PID1: variants seen among roughly 807,000 people sequenced by gnomAD.
PID1 encodes PTB-containing, cubilin and LRP1-interacting protein.
PID1 carries 10 observed loss-of-function variants against 19.1 expected under a neutral mutation model. The observed-to-expected ratio is 0.52, with a 90% CI of 0.32 to 0.89. The LOEUF (loss-of-function observed/expected upper bound fraction) is 0.89. PID1 is among the 40% of genes least tolerant of loss of function. The pLI, the probability that PID1 is intolerant of heterozygous loss-of-function variation, is 0.03. For missense variants in PID1, 248 were observed against 285.3 expected (o/e 0.87, Z 0.94); for synonymous variants, 130 against 116.0 (o/e 1.12, Z -0.78).
intron 1 of PID1, chr2:229,232,046 G>A (rs926531047): frequency 5.2e-6 from 8 of 1,542,816 alleles, no homozygotes; most frequent in African/African-American, 2.8e-5. Flanking sequence ...TAAGGGGCAG[G>A]CTGAACATGG....
At chr2:229,114,668 C>A (rs1248716659) in intron 2 of PID1, among the ~76,000 whole-genome samples, 1 of 152,176 alleles carries the variant, frequency 6.6e-6, no homozygotes, top group African/African-American at 2.4e-5. Flanking sequence ...TTATTATATC[C>A]TCTGTGCATC....
Position 229,271,158 on chromosome 2 carries a change from C to G in PID1, c.-115G>C. On this transcript the variant is annotated 5_prime_UTR_variant, in exon 1 of 3. Transcript: ENST00000392055. ...GGGTCGGTGTCCGCGGGATGTGCGT[C>G]CTGGCGCTGGCCACCGCCGCCGGGT... is the stretch of plus-strand genomic sequence containing the variant. The G allele has an allele frequency of 1.6e-6, 2 of 1,237,692 alleles. No individual in the cohort carries two copies. The highest frequency in any genetic ancestry group is 2.2e-6 in the Non-Finnish European group (2 of 890,980). 76.7% of individuals were successfully genotyped at this position (1,237,692 alleles called of 1,614,324 possible).
intron 1 of PID1, among the ~76,000 whole-genome samples, chr2:229,194,896 C>T (rs890945695): frequency 3.5e-5 from 5 of 141,024 alleles, no homozygotes. Context: ...CCGAAAAAAG[C>T]TCAAAATAAC....
At chr2:229,120,894 G>C (rs1242117396) in intron 2 of PID1, among the ~76,000 whole-genome samples, 21 of 151,978 alleles carry the variant, frequency 1.4e-4, no homozygotes, top group Admixed American at 1.3e-3. Flanking sequence ...AGAGGCAGTT[G>C]TTATAAAGCA....
intron 2 of PID1, among the ~76,000 whole-genome samples, chr2:229,142,212 G>T (rs1690030664): frequency 6.6e-6 from 1 of 152,064 alleles, no homozygotes; most frequent in Admixed American, 6.6e-5. Context: ...AAAGTTCGAA[G>T]TACTTTATAA....
chr2:229,088,166 G>C (rs1694805581), intron 2 of PID1, among the ~76,000 whole-genome samples: 1 of 152,204 alleles, frequency 6.6e-6, no homozygotes, highest in African/African-American at 2.4e-5. Context: ...ATTCTGAAGA[G>C]TATAAAGATT....
intron 1 of PID1, among the ~76,000 whole-genome samples, chr2:229,255,420 A>G (rs551999750): frequency 4.0e-4 from 61 of 152,264 alleles, no homozygotes; most frequent in Admixed American, 4.6e-4. Flanking sequence ...AGTGCTTTTG[A>G]GTGTTTTTTG....
At chr2:229,222,092 T>C (rs968190025) in intron 1 of PID1, among the ~76,000 whole-genome samples, 1 of 152,228 alleles carries the variant, frequency 6.6e-6, no homozygotes, top group South Asian at 2.1e-4. Context: ...ACTTATAACA[T>C]TTTCAATGGC....
intron 1 of PID1, among the ~76,000 whole-genome samples, chr2:229,258,579 T>G (rs1323169426): frequency 6.6e-6 from 1 of 152,156 alleles, no homozygotes; most frequent in Admixed American, 6.5e-5. Flanking sequence ...ATAGATATAG[T>G]TGACAGATAA....
chr2:229,032,694 C>T (rs984014418), intron 2 of PID1, among the ~76,000 whole-genome samples: 1 of 152,184 alleles, frequency 6.6e-6, no homozygotes, highest in African/African-American at 2.4e-5. Flanking sequence ...GTTGCAGAAA[C>T]AGGCATTGGG....
rs564185581 is a variant in PID1 at position 229,127,031 on chromosome 2, G to A, written c.177+28787C>T. Among the ~76,000 whole-genome samples the A allele has an allele frequency of 1.4e-4, 21 of 152,310 alleles. No individual in the cohort carries two copies. In the South Asian group the frequency reaches 2.9e-3, roughly 21 times the overall value. On this transcript the variant is annotated intron_variant, in intron 2 of 2. Transcript: ENST00000392055. ...AAGCCCTGTCTATTTGGATGCCAGC[G>A]GGGAGAGAGAATAAAAGGCCATCAG...
At chr2:229,049,265 T>A (rs1299543226) in intron 2 of PID1, among the ~76,000 whole-genome samples, 2 of 152,198 alleles carry the variant, frequency 1.3e-5, no homozygotes, top group Non-Finnish European at 2.9e-5. Context: ...CTAGTAAGAT[T>A]ATATTTTTTT....
intron 1 of PID1, among the ~76,000 whole-genome samples, chr2:229,160,700 A>G (rs190805199): frequency 4.6e-5 from 7 of 152,288 alleles, no homozygotes; most frequent in Non-Finnish European, 2.9e-5. Flanking sequence ...CTAAGAAAAT[A>G]TTTGAGGTGA....
chr2:229,104,704 T>C (rs757389039), intron 2 of PID1, among the ~76,000 whole-genome samples: 3 of 152,238 alleles, frequency 2.0e-5, no homozygotes, highest in Admixed American at 6.5e-5. Flanking sequence ...ACATGGAACC[T>C]GGGAGAAGTG....
intron 2 of PID1, among the ~76,000 whole-genome samples, chr2:229,031,549 C>T (rs887922500): frequency 6.6e-6 from 1 of 150,626 alleles, no homozygotes; most frequent in Non-Finnish European, 1.5e-5. Flanking sequence ...CAGAGTGTGA[C>T]CTTGTCTCAA....
At chr2:229,234,440 A>C (rs1692281185) in intron 1 of PID1, among the ~76,000 whole-genome samples, 1 of 152,206 alleles carries the variant, frequency 6.6e-6, no homozygotes, top group Non-Finnish European at 1.5e-5. Flanking sequence ...CCACAAGCCT[A>C]GGAATGTGAG....
chr2:229,249,308 A>G (rs1690085738), intron 1 of PID1, among the ~76,000 whole-genome samples: 1 of 152,216 alleles, frequency 6.6e-6, no homozygotes, highest in Middle Eastern at 3.2e-3. Flanking sequence ...GTGGCTCTAA[A>G]GATAAATGTA....
At chr2:229,110,390 C>T (rs540969755) in intron 2 of PID1, among the ~76,000 whole-genome samples, 6 of 152,206 alleles carry the variant, frequency 3.9e-5, no homozygotes, top group African/African-American at 1.4e-4. Context: ...TCCTAATTAA[C>T]AGGAAGTGTC....
At chr2:229,071,698 A>T (rs998101088) in intron 2 of PID1, among the ~76,000 whole-genome samples, 1 of 152,230 alleles carries the variant, frequency 6.6e-6, no homozygotes, top group Non-Finnish European at 1.5e-5. Flanking sequence ...TAATATAGTT[A>T]GAAGGGAAGA....
Sources: gnomAD v4.1 joint callset for allele counts (sites outside exome capture counted in the v4.1 genomes callset) on GRCh38, gnomAD v4.1.1 for gene constraint, MANE v1.5 for transcripts, NCBI Gene and HGNC (gene_info 2026-07-23, HGNC 2026-07-21) for gene names.